The following ST6GALNAC1 variants were observed in gnomAD, a reference collection of about 807,000 sequenced individuals.
ST6GALNAC1 encodes alpha-N-acetylgalactosaminide alpha-2,6-sialyltransferase 1.
Under a neutral mutation model 56.8 loss-of-function variants are expected in ST6GALNAC1, and 45 were observed. That is an observed-to-expected ratio of 0.79 (90% CI 0.62 to 1.02). ST6GALNAC1 has a LOEUF of 1.02. Among genes scored for constraint, ST6GALNAC1 ranks in the 50% least tolerant of loss-of-function variants. ST6GALNAC1 has a pLI of 0.00. For synonymous variants in ST6GALNAC1, 295 were observed against 297.8 expected, an observed-to-expected ratio of 0.99 and a Z score of 0.10; for missense variants, 743 against 754.8, an observed-to-expected ratio of 0.98 and a Z score of 0.18.
chr17:76,637,740 C>T (rs1487860337), intron 1 of ST6GALNAC1: 2 of 398,864 alleles, frequency 5.0e-6, no homozygotes, highest in African/African-American at 2.1e-5. Context: ...TACCATCCTG[C>T]AGAGGGGCAA....
rs772094619 is a variant in ST6GALNAC1, at chr17:76,626,114, C to A, written c.1416-19G>T. On this transcript the variant is annotated intron_variant, in intron 6 of 8. Coordinates refer to ENST00000156626, the MANE Select transcript of ST6GALNAC1 (RefSeq NM_018414.5). ...TCTGTGCCTGTGGTTAGGAAGGGGTCATTCAGACTCAGCTCCCTTACCTGG... is the reference window on the plus strand; with the variant it reads ...TCTGTGCCTGTGGTTAGGAAGGGGTAATTCAGACTCAGCTCCCTTACCTGG... 5 of 1,612,656 alleles carry A rather than the reference C, an allele frequency of 3.1e-6. No homozygotes were observed. In the East Asian group the frequency reaches 8.9e-5, roughly 29 times the overall value.
Position 76,627,162 on chromosome 17 carries a change from G to T in ST6GALNAC1, c.1077C>A (p.Ser359Arg). ...CCACGGCACAGGTGATGCACCGGAG[G>T]CTCCCAGCGGGGAGGCTGGCCAGGA... is the stretch of plus-strand genomic sequence containing the variant. ...QLLLASLPAGSLRCITCAVVG... is the reference protein window; with the variant it reads ...QLLLASLPAGRLRCITCAVVG... The change falls in exon 4 of 9, where the codon AGC (serine) becomes AGA (arginine). Residue 359 changes from serine to arginine, a missense_variant. Transcript: ENST00000156626. This position sits in a 1 kb window ranked among gnomAD's most constrained non-coding sequence, Gnocchi z 4.4. The T allele has an allele frequency of 6.2e-7, 1 of 1,604,650 alleles. No homozygotes were observed. Among genetic ancestry groups the T allele is most frequent in the African/African-American group, 1.3e-5 (1 of 74,768 alleles).
chr17:76,617,864 T>A, the ST6GALNAC1 span, among the ~76,000 whole-genome samples: 1 of 152,202 alleles, frequency 6.6e-6, no homozygotes, highest in South Asian at 2.1e-4. Flanking sequence ...CAAGGTCCTG[T>A]CTGTTTGACA....
chr17:76,635,066 A>G (rs1177308124), intron 1 of ST6GALNAC1, among the ~76,000 whole-genome samples: 1 of 152,180 alleles, frequency 6.6e-6, no homozygotes, highest in African/African-American at 2.4e-5. Context: ...TGCTGGAAAA[A>G]AATGGCAGAA....
Position 76,629,151 on chromosome 17 carries a change from G to A in ST6GALNAC1, c.692C>T (p.Pro231Leu). Residue 231 changes from proline to leucine, a missense_variant, in exon 2 of 9, where the codon CCT (proline) becomes CTT (leucine). Coordinates refer to ENST00000156626, the MANE Select transcript of ST6GALNAC1 (RefSeq NM_018414.5). The part of the protein sequence containing the change: ...TAVIPPKEKK[P>L]QATPPPAPFQ... ...AGGGGCAGGGGGTGGGGTGGCCTGA[G>A]GTTTCTTCTCCTTAGGTGGGATGAC... is the stretch of plus-strand genomic sequence containing the variant. 6.2e-7 allele frequency: 1 copy of A among 1,614,146 alleles called. No homozygotes were observed. Among genetic ancestry groups the A allele is most frequent in the Non-Finnish European group, 8.5e-7 (1 of 1,180,002 alleles).
At position 76,643,615 on chromosome 17, in the gene ST6GALNAC1, G is replaced by C. The variant is rs1050659993; in HGVS notation, c.24C>G (p.Cys8Trp). MRSCLWR[C>W]RHLSQGVQWS... ...ACTGGACGCCTTGGCTCAGGTGCCT[G>C]CATCTCCACAGGCAGGACCTCATGG... Residue 8 changes from cysteine (C) to tryptophan (W), a missense_variant, in exon 1 of 9, where the codon TGC (cysteine) becomes TGG (tryptophan). Transcript: ENST00000156626. 48 of 1,613,982 alleles carry C rather than the reference G, an allele frequency of 3.0e-5. No individual in the cohort carries two copies. The highest frequency in any genetic ancestry group is 3.8e-5 in the Non-Finnish European group (45 of 1,179,970).
chr17:76,638,171 G>A (rs1431143392), intron 1 of ST6GALNAC1, among the ~76,000 whole-genome samples: 1 of 150,346 alleles, frequency 6.7e-6, no homozygotes, highest in Non-Finnish European at 1.5e-5. Context: ...TTGTGCAGGG[G>A]CCATGCTACA....
intron 1 of ST6GALNAC1, among the ~76,000 whole-genome samples, chr17:76,632,514 T>C (rs1419670919): frequency 6.6e-6 from 1 of 152,172 alleles, no homozygotes; most frequent in Non-Finnish European, 1.5e-5. Context: ...CTACAATTGA[T>C]TGATGACTCC....
intron 1 of ST6GALNAC1, among the ~76,000 whole-genome samples, chr17:76,637,901 G>A (rs577027306): frequency 1.3e-5 from 2 of 152,086 alleles, no homozygotes; most frequent in South Asian, 2.1e-4. Flanking sequence ...GCATGATCTC[G>A]GCTCACTGGA....
chr17:76,619,983 A>T (rs1458197543), downstream of ST6GALNAC1, among the ~76,000 whole-genome samples: 1 of 151,948 alleles, frequency 6.6e-6, no homozygotes, highest in Non-Finnish European at 1.5e-5. Flanking sequence ...ACCTCAGGTG[A>T]TCCGCCTGCC....
chr17:76,633,239 G>T (rs2075932260), intron 1 of ST6GALNAC1, among the ~76,000 whole-genome samples: 3 of 151,956 alleles, frequency 2.0e-5, no homozygotes. Context: ...GGCCAGGCGT[G>T]GTGGCTCACG....
chr17:76,625,023 G>T lies in ST6GALNAC1; in HGVS notation c.*307C>A. Reference sequence around the variant, plus strand: ...TCTGTAAATCCAGGCTCTTTTTTCTGTATCAAGAAGCTTTTGGACTGGAAG... The same window carrying T: ...TCTGTAAATCCAGGCTCTTTTTTCTTTATCAAGAAGCTTTTGGACTGGAAG... On this transcript the variant is annotated 3_prime_UTR_variant, in exon 9 of 9. Transcript: ENST00000156626. 1 of 380,214 alleles carries T rather than the reference G, an allele frequency of 2.6e-6. No homozygotes were observed. The highest frequency in any genetic ancestry group is 2.0e-5 in the African/African-American group (1 of 48,788). The allele number at this position is 380,214 out of a possible 1,614,324, so 23.6% of individuals were successfully genotyped here. A position where few individuals can be genotyped will look rare whatever the true frequency, so the allele number is the denominator to read the frequency against.
At chr17:76,628,063 C>G (rs1285762891) in intron 2 of ST6GALNAC1, among the ~76,000 whole-genome samples, 1 of 141,648 alleles carries the variant, frequency 7.1e-6, no homozygotes, top group Admixed American at 7.5e-5. Context: ...CGCCACTGCA[C>G]TCCAGCCTGG....
chr17:76,642,230 A>ATCTATCTATCTATCTATCTG (rs1246882695), intron 1 of ST6GALNAC1, among the ~76,000 whole-genome samples: 12 of 151,382 alleles, frequency 7.9e-5, no homozygotes, highest in African/African-American at 2.9e-4. Flanking sequence ...CTATCTATCT[A>ATCTATCTATCTATCTATCTG]TCTATCTATC....
At chr17:76,624,053 C>A (rs2075765748), downstream of ST6GALNAC1, among the ~76,000 whole-genome samples, 1 of 152,150 alleles carries the variant, frequency 6.6e-6, no homozygotes, top group Non-Finnish European at 1.5e-5. Context: ...GCGCCGCGAG[C>A]AGGGCGCCGA....
downstream of ST6GALNAC1, among the ~76,000 whole-genome samples, chr17:76,620,741 A>ATT (rs35738704): frequency 8.6e-5 from 13 of 151,120 alleles, no homozygotes; most frequent in South Asian, 4.2e-4. Context: ...ATGCCCAGCT[A>ATT]TTTTTTTTAA....
intron 6 of ST6GALNAC1, 78 bp from the exon 7 acceptor site, chr17:76,626,173 A>T: frequency 6.4e-7 from 1 of 1,554,668 alleles, no homozygotes; most frequent in South Asian, 1.1e-5. Context: ...CATGAGCATG[A>T]CTGGTATCCC....
At chr17:76,620,489 T>C (rs2075728749), downstream of ST6GALNAC1, among the ~76,000 whole-genome samples, 2 of 152,186 alleles carry the variant, frequency 1.3e-5, no homozygotes, top group African/African-American at 4.8e-5. Flanking sequence ...TGCTGACCCT[T>C]ATTCAATCTC....
At chr17:76,617,973 A>G in the ST6GALNAC1 span, among the ~76,000 whole-genome samples, 1 of 152,194 alleles carries the variant, frequency 6.6e-6, no homozygotes. Context: ...AGGGACCCGC[A>G]TGCTGCTGAG....
Sources: allele counts gnomAD v4.1 joint callset (sites outside exome capture counted in the v4.1 genomes callset), GRCh38; gene constraint gnomAD v4.1.1; non-coding constraint Gnocchi (gnomAD v3.1); transcripts MANE v1.5; gene names NCBI Gene and HGNC (gene_info 2026-07-23, HGNC 2026-07-21).